The following NCAM2 variants were observed in gnomAD, a reference collection of about 807,000 sequenced individuals.
NCAM2 encodes N-CAM-2.
Under a neutral mutation model 98.1 loss-of-function variants are expected in NCAM2, and 30 were observed. That is an observed-to-expected ratio of 0.31 (90% CI 0.23 to 0.41). The LOEUF is 0.41. NCAM2 is among the 10% of genes least tolerant of loss of function. NCAM2 has a pLI of 1.00. For synonymous variants in NCAM2, 368 were observed against 342.4 expected, an observed-to-expected ratio of 1.07 and a Z score of -0.83; for missense variants, 867 against 1,005.8, an observed-to-expected ratio of 0.86 and a Z score of 1.87.
chr21:21,250,282 TC>T (rs2071424280), intron 1 of NCAM2, among the ~76,000 whole-genome samples: 1 of 152,190 alleles, frequency 6.6e-6, no homozygotes. Context: ...AGCACTATGG[TC>T]CTTCTCAACT....
intron 12 of NCAM2, among the ~76,000 whole-genome samples, chr21:21,447,056 A>T (rs1323765350): frequency 6.6e-6 from 1 of 152,150 alleles, no homozygotes; most frequent in African/African-American, 2.4e-5. Context: ...AACTACTTTA[A>T]ATTTCATAGG....
chr21:21,498,458 T>C (rs1987401165), intron 15 of NCAM2, among the ~76,000 whole-genome samples: 1 of 152,188 alleles, frequency 6.6e-6, no homozygotes, highest in Non-Finnish European at 1.5e-5. Flanking sequence ...GATTACATGT[T>C]GTACCCATAC....
intron 1 of NCAM2, among the ~76,000 whole-genome samples, chr21:21,209,351 G>C (rs1358157795): frequency 6.6e-6 from 1 of 152,154 alleles, no homozygotes; most frequent in East Asian, 1.9e-4. Context: ...AGATAGCTCC[G>C]ACTATAGATG....
chr21:21,004,420 C>T (rs2064075297), intron 1 of NCAM2, among the ~76,000 whole-genome samples: 1 of 152,128 alleles, frequency 6.6e-6, no homozygotes. Context: ...GCCTATATCA[C>T]TTATTTTTGT....
At chr21:21,350,938 A>AG (rs1326592450) in intron 8 of NCAM2, among the ~76,000 whole-genome samples, 2 of 94,776 alleles carry the variant, frequency 2.1e-5, no homozygotes, top group Non-Finnish European at 4.3e-5. Flanking sequence ...ATACAAAAAA[A>AG]AAAAAAAAAA....
At chr21:21,213,513 G>T (rs2069744326) in intron 1 of NCAM2, among the ~76,000 whole-genome samples, 1 of 152,088 alleles carries the variant, frequency 6.6e-6, no homozygotes, top group Non-Finnish European at 1.5e-5. Context: ...ACTTTATGAA[G>T]AATTTTCAAG....
intron 1 of NCAM2, among the ~76,000 whole-genome samples, chr21:21,041,132 G>C (rs1324470390): frequency 6.6e-6 from 1 of 151,984 alleles, no homozygotes; most frequent in Non-Finnish European, 1.5e-5. Context: ...AGAAAAGAAA[G>C]AGCTATCAAT....
intron 1 of NCAM2, among the ~76,000 whole-genome samples, chr21:21,170,116 A>C (rs142129664): frequency 6.6e-6 from 1 of 152,342 alleles, no homozygotes; most frequent in East Asian, 1.9e-4. Flanking sequence ...AGTGCTAGTG[A>C]GGGTGTGGAA....
intron 4 of NCAM2, among the ~76,000 whole-genome samples, chr21:21,288,686 C>T (rs1292530481): frequency 6.6e-6 from 1 of 151,728 alleles, no homozygotes; most frequent in Admixed American, 6.6e-5. Context: ...TTATTCACTG[C>T]TTATACCTCA....
intron 1 of NCAM2, among the ~76,000 whole-genome samples, chr21:21,214,750 C>CACAA (rs1312296366): frequency 3.0e-5 from 1 of 33,764 alleles, no homozygotes; most frequent in Admixed American, 3.3e-4. Flanking sequence ...TATATATACA[C>CACAA]TATATATACA....
At chr21:21,322,145 T>A (rs1279051842) in intron 5 of NCAM2, among the ~76,000 whole-genome samples, 1 of 152,000 alleles carries the variant, frequency 6.6e-6, no homozygotes, top group East Asian at 1.9e-4. Context: ...CAAACAAACA[T>A]GAAATCATGT....
chr21:21,068,139 T>TC (rs1427384547), intron 1 of NCAM2, among the ~76,000 whole-genome samples: 53 of 143,514 alleles, frequency 3.7e-4, no homozygotes, highest in African/African-American at 1.3e-3. Flanking sequence ...TTTTTTCTTT[T>TC]TTTTTTTTTT....
intron 8 of NCAM2, among the ~76,000 whole-genome samples, chr21:21,346,570 G>A (rs1174082964): frequency 2.0e-5 from 3 of 152,130 alleles, no homozygotes; most frequent in East Asian, 3.9e-4. Flanking sequence ...TCCAATGGCT[G>A]CAGAATACAC....
chr21:21,437,330 T>C (rs950188578), intron 12 of NCAM2, among the ~76,000 whole-genome samples: 17 of 152,030 alleles, frequency 1.1e-4, no homozygotes, highest in Non-Finnish European at 1.9e-4. Context: ...ATGCCAGAAA[T>C]TCCACACAAC....
intron 1 of NCAM2, among the ~76,000 whole-genome samples, chr21:21,130,304 A>T (rs2066907641): frequency 6.6e-6 from 1 of 152,176 alleles, no homozygotes; most frequent in Non-Finnish European, 1.5e-5. Context: ...TATCTTGTTC[A>T]TCTGGGGAAA....
intron 1 of NCAM2, among the ~76,000 whole-genome samples, chr21:21,242,336 T>A (rs984629924): frequency 6.6e-6 from 1 of 152,222 alleles, no homozygotes; most frequent in Non-Finnish European, 1.5e-5. Flanking sequence ...TATTTTTTTG[T>A]AGTGAAAACA....
chr21:21,211,359 C>A (rs903339415), intron 1 of NCAM2, among the ~76,000 whole-genome samples: 1 of 152,070 alleles, frequency 6.6e-6, no homozygotes, highest in Admixed American at 6.6e-5. Flanking sequence ...TTATTTAATC[C>A]TTACCATGAC....
At chr21:21,415,214 A>T (rs1341384966) in intron 10 of NCAM2, among the ~76,000 whole-genome samples, 1 of 151,854 alleles carries the variant, frequency 6.6e-6, no homozygotes, top group Non-Finnish European at 1.5e-5. Flanking sequence ...TGCCCTTTAC[A>T]TCTCCTCTCT....
At chr21:21,240,737 A>G (rs1601737609) in intron 1 of NCAM2, among the ~76,000 whole-genome samples, 1 of 152,212 alleles carries the variant, frequency 6.6e-6, no homozygotes, top group Admixed American at 6.5e-5. Flanking sequence ...TTGTCCCTTA[A>G]AATGACACTG....
Sources: allele counts gnomAD v4.1 joint callset (sites outside exome capture counted in the v4.1 genomes callset), GRCh38; gene constraint gnomAD v4.1.1; transcripts MANE v1.5; gene names NCBI Gene and HGNC (gene_info 2026-07-23, HGNC 2026-07-21).